The following SLC12A6 variants were observed in gnomAD, a reference collection of about 807,000 sequenced individuals.
SLC12A6 encodes solute carrier family 12 member 6, also known as K-Cl cotransporter 3.
A neutral mutation model predicts 135.3 loss-of-function variants in SLC12A6; 66 were observed. The ratio of observed to expected loss-of-function variants is 0.49; its 90% CI spans 0.40 to 0.60. The LOEUF is 0.60. Ranked by LOEUF, SLC12A6 falls within the 20% of genes least tolerant of loss-of-function variation. The probability of loss-of-function intolerance (pLI) is 0.00; values close to 1 mark genes in which losing one functional copy is unlikely to be tolerated. For synonymous variants in SLC12A6, 513 were observed against 508.8 expected, an observed-to-expected ratio of 1.01 and a Z score of -0.11; for missense variants, 1,058 against 1,452.3, an observed-to-expected ratio of 0.73 and a Z score of 4.41.
Position 34,238,223 on chromosome 15 carries a change from A to G in SLC12A6, c.2802+9T>C, listed in dbSNP as rs1891407949. 1 of 1,606,890 alleles carries G rather than the reference A, an allele frequency of 6.2e-7. No homozygotes were observed. The highest frequency in any genetic ancestry group is 1.1e-5 in the South Asian group (1 of 90,924). ...AAGACTTTTGTAAAAAAAAAGTTGT[A>G]TAAAATACCTTGTGCTGTTTCAGTA... On this transcript the variant is annotated intron_variant, in intron 21 of 25. Coordinates refer to ENST00000354181, the MANE Select transcript of SLC12A6 (RefSeq NM_001365088.1).
chr15:34,264,072 C>G (rs1421783758), intron 3 of SLC12A6, among the ~76,000 whole-genome samples: 1 of 151,446 alleles, frequency 6.6e-6, no homozygotes, highest in Non-Finnish European at 1.5e-5. Flanking sequence ...TTCAGGGTAA[C>G]CAATAATTAA....
chr15:34,249,284 G>T (rs1217084853), intron 13 of SLC12A6, among the ~76,000 whole-genome samples: 1 of 152,186 alleles, frequency 6.6e-6, no homozygotes, highest in African/African-American at 2.4e-5. Flanking sequence ...AAAGGGCTGG[G>T]TGTGTTGGTT....
intron 2 of SLC12A6, among the ~76,000 whole-genome samples, chr15:34,324,646 A>C (rs1416419132): frequency 6.6e-6 from 1 of 152,188 alleles, no homozygotes; most frequent in Non-Finnish European, 1.5e-5. Flanking sequence ...TTTAGTGAAA[A>C]GATTGAAACA....
At chr15:34,297,172 G>C (rs1201403807) in intron 2 of SLC12A6, among the ~76,000 whole-genome samples, 1 of 151,956 alleles carries the variant, frequency 6.6e-6, no homozygotes, top group African/African-American at 2.4e-5. Context: ...TTTTTAACAG[G>C]CTTAGTCAGA....
intron 3 of SLC12A6, among the ~76,000 whole-genome samples, chr15:34,274,727 G>A (rs943608617): frequency 1.3e-5 from 2 of 151,996 alleles, no homozygotes; most frequent in African/African-American, 4.8e-5. Context: ...GCAGGAGAAT[G>A]GCATGAACCT....
chr15:34,305,926 T>G (rs556093986), intron 2 of SLC12A6, among the ~76,000 whole-genome samples: 1 of 151,894 alleles, frequency 6.6e-6, no homozygotes, highest in East Asian at 1.9e-4. Flanking sequence ...CCCGGCTAAT[T>G]TTTTGTATCT....
chr15:34,245,675 T>A lies in SLC12A6; in HGVS notation c.1824+18A>T, dbSNP rs1360303725. 3.1e-6 allele frequency: 5 copies of A among 1,598,896 alleles called. No homozygotes were observed. The Admixed American group carries it at 5.0e-5, about 16-fold the overall frequency. On this transcript the variant is annotated intron_variant, in intron 14 of 25. Transcript: ENST00000354181. ...AAGCTGGGAAAAAAAGAAGAGGGCATAATAAAAGGTCACTCACCCTCAGAA... is the reference window on the plus strand; with the variant it reads ...AAGCTGGGAAAAAAAGAAGAGGGCAAAATAAAAGGTCACTCACCCTCAGAA...
intron 2 of SLC12A6, among the ~76,000 whole-genome samples, chr15:34,327,376 A>G (rs994406532): frequency 6.6e-6 from 1 of 151,652 alleles, no homozygotes; most frequent in Non-Finnish European, 1.5e-5. Context: ...AAAACAAACA[A>G]ACAACTTTAG....
At position 34,245,815 on chromosome 15, in the gene SLC12A6, A is replaced by T; in HGVS notation, c.1702T>A (p.Ser568Thr). The T allele has an allele frequency of 1.2e-6, 2 of 1,612,494 alleles. No individual in the cohort carries two copies. The highest frequency in any genetic ancestry group is 1.7e-6 in the Non-Finnish European group (2 of 1,178,472). The change falls in exon 14 of 26, where the codon TCC (serine) becomes ACC (threonine). Residue 568 changes from serine to threonine, a missense_variant. Around this residue, in one of 6 missense-constraint regions of SLC12A6, gnomAD observed 170 missense variants for 297.6 expected, o/e 0.57. Coordinates refer to ENST00000354181, the MANE Select transcript of SLC12A6 (RefSeq NM_001365088.1). ...NLVVGTLSWP[S>T]PWVIVIGSFF... ...GAGCCAATAACAATCACCCATGGGG[A>T]TGGCCAAGATAAGGTGCCTACCACC... is the stretch of plus-strand genomic sequence containing the variant.
At chr15:34,270,844 AAG>A (rs58810559) in intron 3 of SLC12A6, among the ~76,000 whole-genome samples, 1 of 143,858 alleles carries the variant, frequency 7.0e-6, no homozygotes, top group Non-Finnish European at 1.5e-5. Context: ...AAAAAAAAAA[AAG>A]AGAGAGAGAA....
intron 2 of SLC12A6, among the ~76,000 whole-genome samples, chr15:34,304,471 T>C (rs1292696977): frequency 3.9e-5 from 6 of 152,240 alleles, no homozygotes; most frequent in African/African-American, 1.4e-4. Flanking sequence ...CAAATTGTTT[T>C]CCAAAGTAGT....
rs1891031443 is a variant in SLC12A6, at chr15:34,232,869, G to A, written c.*1012C>T. The A allele has an allele frequency of 6.7e-6, 1 of 150,300 alleles. No individual in the cohort carries two copies. Among genetic ancestry groups the A allele is most frequent in the Admixed American group, 6.8e-5 (1 of 14,752 alleles). The allele number at this position is 150,300 out of a possible 1,614,324, so 9.3% of individuals were successfully genotyped here. ...GATGTGCCCTTTAAAAGATGGTCCA[G>A]TGCTTTCAGGGAAGGATGTTTAGCC... On this transcript the variant is annotated 3_prime_UTR_variant, in exon 26 of 26. Coordinates refer to ENST00000354181, the MANE Select transcript of SLC12A6 (RefSeq NM_001365088.1).
At chr15:34,330,172 C>T (rs1889741385) in intron 2 of SLC12A6, among the ~76,000 whole-genome samples, 1 of 152,132 alleles carries the variant, frequency 6.6e-6, no homozygotes, top group Non-Finnish European at 1.5e-5. Context: ...CTGCATTTGG[C>T]TGATACGGCT....
At chr15:34,336,315 T>C in intron 2 of SLC12A6, 95 bp downstream of exon 2, 1 of 1,025,616 alleles carries the variant, frequency 9.8e-7, no homozygotes, top group Non-Finnish European at 1.5e-6. Context: ...ATTATAATCA[T>C]AATTATATGA....
intron 3 of SLC12A6, among the ~76,000 whole-genome samples, chr15:34,272,061 C>T (rs1296893650): frequency 1.3e-5 from 2 of 152,062 alleles, no homozygotes; most frequent in African/African-American, 2.4e-5. Flanking sequence ...CTGCAACCTC[C>T]ACCTCCTGGT....
chr15:34,336,737 CGCTA>C lies in SLC12A6; in HGVS notation c.-61_-58del. On this transcript the variant is annotated 5_prime_UTR_variant, in exon 2 of 26. Transcript: ENST00000354181. ...GGAACCTCGCAAAATCTTCCTCTTA[CGCTA>C]GCTACTTTTGACTGCAATACAAAAG... The C allele has an allele frequency of 4.9e-6, 7 of 1,424,322 alleles. No individual in the cohort carries two copies. The highest frequency in any genetic ancestry group is 1.7e-5 in the Admixed American group (1 of 59,612). The allele number at this position is 1,424,322 out of a possible 1,614,324, so 88.2% of individuals were successfully genotyped here.
At chr15:34,270,197 C>T (rs1893820627) in intron 3 of SLC12A6, among the ~76,000 whole-genome samples, 1 of 151,764 alleles carries the variant, frequency 6.6e-6, no homozygotes, top group Non-Finnish European at 1.5e-5. Flanking sequence ...ACCATCACAG[C>T]TTACTGTAGC....
In SLC12A6 at chr15:34,313,045, G is replaced by C. The variant is rs945992399; in HGVS notation, c.271+23365C>G. On this transcript the variant is annotated intron_variant, in intron 2 of 25. Transcript: ENST00000354181. ...CTCCTCTGGCCTCCCTATTCACTGA[G>C]ACACAACAATACTGAAATTAGGCCA... Among the ~76,000 whole-genome samples, 9 of 152,228 alleles carry C rather than the reference G, an allele frequency of 5.9e-5. No homozygotes were observed. In the South Asian group the frequency reaches 1.7e-3, roughly 28 times the overall value.
chr15:34,330,831 G>A (rs1475381684), intron 2 of SLC12A6, among the ~76,000 whole-genome samples: 1 of 152,074 alleles, frequency 6.6e-6, no homozygotes, highest in Non-Finnish European at 1.5e-5. Flanking sequence ...TTATTTAAGA[G>A]AAAGGTAATA....
Sources: gnomAD v4.1 joint callset for allele counts (sites outside exome capture counted in the v4.1 genomes callset) on GRCh38, gnomAD v4.1.1 for gene constraint, gnomAD v4.1.1 regional missense constraint, MANE v1.5 for transcripts, NCBI Gene and HGNC (gene_info 2026-07-23, HGNC 2026-07-21) for gene names.